The following LTBP1 variants were observed in gnomAD, a reference collection of about 807,000 sequenced individuals.
The protein encoded by LTBP1 is latent transforming growth factor beta binding protein 1, also known as latent-transforming growth factor beta-binding protein 1.
LTBP1 carries 129 observed loss-of-function variants against 207.6 expected under a neutral mutation model. The ratio of observed to expected loss-of-function variants is 0.62; its 90% CI spans 0.54 to 0.72. LTBP1 has a LOEUF of 0.72. LTBP1 is among the 30% of genes least tolerant of loss of function. The pLI is 0.00. For synonymous variants in LTBP1, 963 were observed against 833.7 expected (o/e 1.16, Z -2.67); for missense variants, 2,281 against 2,217.2 (o/e 1.03, Z -0.58).
chr2:33,261,885 G>A (rs1046013561), intron 13 of LTBP1, among the ~76,000 whole-genome samples: 15 of 152,232 alleles, frequency 9.9e-5, no homozygotes, highest in African/African-American at 3.1e-4. Flanking sequence ...ACAGAGGCCA[G>A]AGGAGTAAGC....
intron 32 of LTBP1, among the ~76,000 whole-genome samples, chr2:33,396,185 GGTGT>G (rs904134795): frequency 6.9e-6 from 1 of 144,196 alleles, no homozygotes; most frequent in Non-Finnish European, 1.5e-5. Context: ...GTTTTTTTTT[GGTGT>G]GTGTGTGTGT....
chr2:33,384,690 C>T (rs1315085928), intron 31 of LTBP1, among the ~76,000 whole-genome samples: 1 of 152,190 alleles, frequency 6.6e-6, no homozygotes, highest in East Asian at 1.9e-4. Flanking sequence ...AAAGTAGCAG[C>T]CAAGAGTTTC....
chr2:33,343,675 T>G (rs1057449394), intron 25 of LTBP1, among the ~76,000 whole-genome samples: 3 of 152,180 alleles, frequency 2.0e-5, no homozygotes, highest in Admixed American at 6.5e-5. Context: ...ATGATACCTG[T>G]AAAAGGATGC....
intron 23 of LTBP1, among the ~76,000 whole-genome samples, chr2:33,311,728 G>T (rs903152082): frequency 6.6e-6 from 1 of 151,976 alleles, no homozygotes; most frequent in South Asian, 2.1e-4. Flanking sequence ...TCAGTCACAC[G>T]GAACTAATTT....
intron 4 of LTBP1, among the ~76,000 whole-genome samples, chr2:33,123,936 A>C (rs2081293775): frequency 6.6e-6 from 1 of 152,260 alleles, no homozygotes; most frequent in Non-Finnish European, 1.5e-5. Flanking sequence ...CATTGAAAAA[A>C]AGTACCACTT....
chr2:33,309,353 T>C, intron 22 of LTBP1, 81 bp from the exon 23 acceptor site: 1 of 907,942 alleles, frequency 1.1e-6, no homozygotes, highest in Non-Finnish European at 1.7e-6. Flanking sequence ...TAAAATAGTG[T>C]ACCTTTACAT....
chr2:33,343,095 G>A, intron 25 of LTBP1, 132 bp downstream of exon 25: 1 of 1,124,076 alleles, frequency 8.9e-7, no homozygotes. Flanking sequence ...CATACAATTT[G>A]AGGATGTGCA....
Position 33,301,736 on chromosome 2 carries a change from C to G in LTBP1, c.3481+92C>G, listed in dbSNP as rs1214341916. The stretch of plus-strand genomic sequence containing the variant: ...CAGCCTTGATCTTTGAACCTCATCT[C>G]TTGATTTCATAGTGAAGACATTAGG... On this transcript the variant is annotated intron_variant, in intron 22 of 33. Transcript: ENST00000404816. 5.9e-6 allele frequency: 7 copies of G among 1,194,830 alleles called. No individual in the cohort carries two copies. The Admixed American group carries it at 1.3e-4, about 22-fold the overall frequency. 74.0% of individuals were successfully genotyped at this position (1,194,830 alleles called of 1,614,324 possible).
chr2:32,996,705 T>C (rs183624808), intron 2 of LTBP1, among the ~76,000 whole-genome samples: 57 of 152,224 alleles, frequency 3.7e-4, no homozygotes, highest in African/African-American at 1.3e-3. Flanking sequence ...GAAGAGTTAT[T>C]ATCACCCACA....
chr2:33,143,932 A>T (rs547599685), intron 5 of LTBP1, among the ~76,000 whole-genome samples: 1 of 152,188 alleles, frequency 6.6e-6, no homozygotes, highest in East Asian at 1.9e-4. Flanking sequence ...CCTGCATGTA[A>T]AACAAATCAT....
At chr2:33,239,857 T>C (rs1054958119) in intron 9 of LTBP1, among the ~76,000 whole-genome samples, 1 of 151,866 alleles carries the variant, frequency 6.6e-6, no homozygotes, top group African/African-American at 2.4e-5. Flanking sequence ...CGACCTGAGA[T>C]TGTGCCGCTG....
In LTBP1 at chr2:32,969,520, C is replaced by G. The variant is rs115823969; in HGVS notation, c.565+20575C>G. 8.4e-3 allele frequency among the ~76,000 whole-genome samples: 1,282 copies of G among 152,130 alleles called. 16 individuals are homozygous for G. The highest frequency in any genetic ancestry group is 0.028 in the African/African-American group (1,183 of 41,516). Reference sequence around the variant, plus strand: ...GCTCCCACTTGGAAGTAAGAACATGCAGTATTTGGTTTTCTGTTACTGTAT... The same window carrying G: ...GCTCCCACTTGGAAGTAAGAACATGGAGTATTTGGTTTTCTGTTACTGTAT... On this transcript the variant is annotated intron_variant, in intron 2 of 33. Coordinates refer to ENST00000404816, the MANE Select transcript of LTBP1 (RefSeq NM_206943.4).
At chr2:33,235,756 A>T (rs2092013629) in intron 9 of LTBP1, among the ~76,000 whole-genome samples, 1 of 152,254 alleles carries the variant, frequency 6.6e-6, no homozygotes, top group African/African-American at 2.4e-5. Flanking sequence ...CTCTGCAGGG[A>T]CATGGCTGAA....
chr2:32,947,424 C>G lies in LTBP1; in HGVS notation c.100C>G (p.Pro34Ala), dbSNP rs1676341328. 1 of 1,439,802 alleles carries G rather than the reference C, an allele frequency of 6.9e-7. No homozygotes were observed. The highest frequency in any genetic ancestry group is 1.5e-5 in the African/African-American group (1 of 67,422). 89.2% of individuals were successfully genotyped at this position (1,439,802 alleles called of 1,614,324 possible). A position where few individuals can be genotyped will look rare whatever the true frequency, so the allele number is the denominator to read the frequency against. Residue 34 changes from proline to alanine, a missense_variant, in exon 1 of 34, where the codon CCG (proline) becomes GCG (alanine). Coordinates refer to ENST00000404816, the MANE Select transcript of LTBP1 (RefSeq NM_206943.4). ...RLRRITYVVHPGPGLAAGALP... is the reference protein window; with the variant it reads ...RLRRITYVVHAGPGLAAGALP... ...GCGGAGGATCACCTACGTGGTGCAC[C>G]CGGGCCCCGGCCTGGCAGCCGGCGC...
At chr2:33,132,150 A>G (rs942053840) in intron 4 of LTBP1, among the ~76,000 whole-genome samples, 5 of 152,208 alleles carry the variant, frequency 3.3e-5, no homozygotes, top group Non-Finnish European at 7.3e-5. Flanking sequence ...GAAGTGGGAA[A>G]ATGTTGTCTC....
intron 31 of LTBP1, among the ~76,000 whole-genome samples, chr2:33,366,938 A>C (rs917456647): frequency 5.9e-5 from 9 of 152,134 alleles, no homozygotes; most frequent in Non-Finnish European, 1.5e-5. Context: ...TTTTCCAAAA[A>C]TCACATGTAT....
intron 9 of LTBP1, among the ~76,000 whole-genome samples, chr2:33,226,390 G>C (rs2091439394): frequency 6.6e-6 from 1 of 152,198 alleles, no homozygotes; most frequent in South Asian, 2.1e-4. Context: ...AGCCTGAGAG[G>C]GTTTTTGGCT....
Position 33,117,912 on chromosome 2 carries a change from A to G in LTBP1, c.1033+7161A>G, listed in dbSNP as rs373859102. On this transcript the variant is annotated intron_variant, in intron 4 of 33. Coordinates refer to ENST00000404816, the MANE Select transcript of LTBP1 (RefSeq NM_206943.4). ...GCTGTTGAGGAAGAGTCTGGTCCTG[A>G]GAACTGTTGTGGCCTTAATGTCGAT... is the stretch of plus-strand genomic sequence containing the variant. Among the ~76,000 whole-genome samples the G allele has an allele frequency of 3.9e-5, 6 of 152,328 alleles. No individual in the cohort carries two copies. The South Asian group carries it at 1.2e-3, about 32-fold the overall frequency.
intron 3 of LTBP1, among the ~76,000 whole-genome samples, chr2:33,089,732 A>G (rs1192071153): frequency 2.0e-5 from 3 of 152,258 alleles, no homozygotes; most frequent in East Asian, 1.9e-4. Flanking sequence ...TCTTTATGCT[A>G]TGGTTCCTGA....
Sources: gnomAD v4.1 joint callset for allele counts (sites outside exome capture counted in the v4.1 genomes callset) on GRCh38, gnomAD v4.1.1 for gene constraint, MANE v1.5 for transcripts, NCBI Gene and HGNC (gene_info 2026-07-23, HGNC 2026-07-21) for gene names.